The following C11orf97 variants were observed in gnomAD, a reference collection of about 807,000 sequenced individuals.
C11orf97 encodes the protein chromosome 11 open reading frame 97, also known as uncharacterized protein C11orf97.
A neutral mutation model predicts 16.2 loss-of-function variants in C11orf97; 15 were observed. The ratio of observed to expected loss-of-function variants is 0.93; its 90% CI spans 0.62 to 1.43. The LOEUF (loss-of-function observed/expected upper bound fraction) is 1.43. Ranked by LOEUF, C11orf97 falls within the 40% of genes most tolerant of loss-of-function variation. The probability of loss-of-function intolerance (pLI) is 0.00; values close to 1 mark genes in which losing one functional copy is unlikely to be tolerated. For missense variants in C11orf97, 171 were observed against 161.2 expected, an observed-to-expected ratio of 1.06 and a Z score of -0.33; for synonymous variants, 61 against 65.7, an observed-to-expected ratio of 0.93 and a Z score of 0.34.
intron 1 of C11orf97, among the ~76,000 whole-genome samples, chr11:94,513,141 G>T (rs1947583208): frequency 6.6e-6 from 1 of 152,184 alleles, no homozygotes; most frequent in Admixed American, 6.5e-5. Context: ...AGTCAGTGCA[G>T]GCGAAATACT....
chr11:94,517,290 C>A (rs896753918), intron 1 of C11orf97, among the ~76,000 whole-genome samples: 1 of 152,130 alleles, frequency 6.6e-6, no homozygotes, highest in African/African-American at 2.4e-5. Context: ...CAAACGAGTG[C>A]AAGTTTTCTT....
At chr11:94,518,115 C>T (rs4342993) in intron 2 of C11orf97, among the ~76,000 whole-genome samples, 83,747 of 145,946 alleles carry the variant, frequency 0.57, 24,354 homozygotes, top group African/African-American at 0.63. Context: ...GCCACTGTAC[C>T]CCAGCCTGGG....
chr11:94,530,302 A>G (rs192229599), intron 3 of C11orf97, among the ~76,000 whole-genome samples: 1 of 152,354 alleles, frequency 6.6e-6, no homozygotes, highest in East Asian at 1.9e-4. Flanking sequence ...TTATTGACAC[A>G]TAGCTTAGCT....
intron 1 of C11orf97, 72 bp from the exon 2 acceptor site, chr11:94,517,511 C>G: frequency 1.2e-6 from 1 of 823,930 alleles, no homozygotes; most frequent in Non-Finnish European, 1.8e-6. Flanking sequence ...AAATTGTTAT[C>G]ATGTAGATAT....
intron 1 of C11orf97, 26 bp from the exon 2 acceptor site, chr11:94,517,557 A>G (rs760257207): frequency 7.3e-7 from 1 of 1,365,360 alleles, no homozygotes; most frequent in South Asian, 1.3e-5. Context: ...TATACTAAGT[A>G]ATTGATTTTG....
chr11:94,523,012 TC>T (rs1413216327), intron 2 of C11orf97, among the ~76,000 whole-genome samples: 10 of 151,986 alleles, frequency 6.6e-5, no homozygotes, highest in African/African-American at 2.4e-4. Flanking sequence ...TACACCAAGT[TC>T]CCCACTCCAG....
rs1358647458 is a variant in C11orf97, at chr11:94,514,946, A to T, written c.145+2273A>T. ...AGGCATGAGCCACCGCGCCTGGCCA[A>T]TGTCACCTTTAGGATCACTTGTAGT... is the stretch of plus-strand genomic sequence containing the variant. On this transcript the variant is annotated intron_variant, in intron 1 of 3. Coordinates refer to ENST00000542198, the MANE Select transcript of C11orf97 (RefSeq NM_001190462.2). Among the ~76,000 whole-genome samples the T allele has an allele frequency of 2.6e-5, 4 of 152,208 alleles. No individual in the cohort carries two copies. The South Asian group carries it at 8.3e-4, about 32-fold the overall frequency.
chr11:94,518,955 C>G (rs550964578), intron 2 of C11orf97, among the ~76,000 whole-genome samples: 114 of 151,672 alleles, frequency 7.5e-4, no homozygotes, highest in African/African-American at 2.7e-3. Context: ...GTCACCCAGG[C>G]TGGAGTGCAG....
intron 3 of C11orf97, among the ~76,000 whole-genome samples, chr11:94,528,827 C>G (rs941026993): frequency 2.6e-5 from 4 of 152,108 alleles, no homozygotes; most frequent in Non-Finnish European, 4.4e-5. Context: ...AATCTAGGGA[C>G]ATGCAGCTGT....
In C11orf97 at chr11:94,517,576, T is replaced by C; in HGVS notation, c.146-7T>C. On this transcript the variant is annotated splice_polypyrimidine_tract_variant and splice_region_variant and intron_variant, in intron 1 of 3. Coordinates refer to ENST00000542198, the MANE Select transcript of C11orf97 (RefSeq NM_001190462.2). ...CTAAGTAATTGATTTTGTTAATGCC[T>C]TTATAGGGAAGAAATTTTTATATTG... 1 of 1,509,132 alleles carries C rather than the reference T, an allele frequency of 6.6e-7. No homozygotes were observed. The highest frequency in any genetic ancestry group is 1.2e-5 in the South Asian group (1 of 80,738). The allele number at this position is 1,509,132 out of a possible 1,614,324, so 93.5% of individuals were successfully genotyped here.
rs533449533 is a variant in C11orf97, at chr11:94,519,047, TA to T, written c.250+1361del. On this transcript the variant is annotated intron_variant, in intron 2 of 3. Coordinates refer to ENST00000542198, the MANE Select transcript of C11orf97 (RefSeq NM_001190462.2). ...CCTCAGCCTCCTGAGTAGCTGGGAT[TA>T]CAGGCACACACCACCACGGCCCAGC... 3.1e-4 allele frequency among the ~76,000 whole-genome samples: 47 copies of T among 152,228 alleles called. No individual in the cohort carries two copies. The South Asian group carries it at 9.8e-3, about 32-fold the overall frequency.
chr11:94,517,736 G>A lies in C11orf97; in HGVS notation c.250+49G>A, dbSNP rs879003172. The A allele has an allele frequency of 4.8e-6, 6 of 1,260,154 alleles. No homozygotes were observed. In the East Asian group the frequency reaches 1.1e-4, roughly 22 times the overall value. 78.1% of individuals were successfully genotyped at this position (1,260,154 alleles called of 1,614,324 possible). On this transcript the variant is annotated intron_variant, in intron 2 of 3. Transcript: ENST00000542198. ...ATGTTTGTGAAATGAATATGAAATT[G>A]CCTACTTGATGACAGAGTATTTTAT...
chr11:94,531,920 T>G lies in C11orf97; in HGVS notation c.*20T>G. On this transcript the variant is annotated 3_prime_UTR_variant, in exon 4 of 4. Transcript: ENST00000542198. ...GGATAAGATGAATTAGATTTTCCAT[T>G]AAGAAGGAACCTCTTTCTGCTGATG... The G allele has an allele frequency of 2.0e-6, 3 of 1,464,924 alleles. No individual in the cohort carries two copies. Among genetic ancestry groups the G allele is most frequent in the Non-Finnish European group, 2.7e-6 (3 of 1,112,042 alleles). 90.7% of individuals were successfully genotyped at this position (1,464,924 alleles called of 1,614,324 possible).
intron 3 of C11orf97, among the ~76,000 whole-genome samples, chr11:94,531,437 TCAAA>T (rs35944099): frequency 0.27 from 39,020 of 145,310 alleles, 5,846 homozygotes; most frequent in African/African-American, 0.4. Context: ...AGACTGTGTT[TCAAA>T]CAAACAAACA....
intron 1 of C11orf97, among the ~76,000 whole-genome samples, chr11:94,515,417 C>A (rs1947604103): frequency 6.6e-6 from 1 of 152,126 alleles, no homozygotes; most frequent in Admixed American, 6.5e-5. Context: ...TTCTCATCCT[C>A]TATACACACA....
chr11:94,531,297 G>A (rs557618226), intron 3 of C11orf97, among the ~76,000 whole-genome samples: 4 of 152,130 alleles, frequency 2.6e-5, no homozygotes, highest in African/African-American at 9.6e-5. Context: ...AAAATTAGCA[G>A]GCGGGGTGAC....
intron 2 of C11orf97, among the ~76,000 whole-genome samples, chr11:94,524,925 A>G (rs1305017735): frequency 6.6e-6 from 1 of 151,902 alleles, no homozygotes; most frequent in Non-Finnish European, 1.5e-5. Context: ...CAGGCATGGT[A>G]GTGTGCACCT....
chr11:94,517,708 A>T (rs189798004), intron 2 of C11orf97, 21 bp downstream of exon 2: 42 of 1,442,734 alleles, frequency 2.9e-5, no homozygotes, highest in Admixed American at 1.1e-4. Flanking sequence ...TGACAAATGA[A>T]GTATGTTTGT....
chr11:94,525,773 A>G (rs890070403), intron 2 of C11orf97, among the ~76,000 whole-genome samples: 3 of 152,204 alleles, frequency 2.0e-5, no homozygotes, highest in South Asian at 4.1e-4. Context: ...TCAAGCTCCA[A>G]TGTTCATTAT....
Sources: gnomAD v4.1 joint callset for allele counts (sites outside exome capture counted in the v4.1 genomes callset) on GRCh38, gnomAD v4.1.1 for gene constraint, MANE v1.5 for transcripts, NCBI Gene and HGNC (gene_info 2026-07-23, HGNC 2026-07-21) for gene names.